The following NFIB variants were observed in gnomAD, a reference collection of about 807,000 sequenced individuals.
NFIB encodes nuclear factor 1 B-type.
Under a neutral mutation model 61.5 loss-of-function variants are expected in NFIB, and 11 were observed. The observed-to-expected ratio is 0.18, with a 90% confidence interval of 0.11 to 0.30. NFIB has a LOEUF of 0.30. NFIB is among the 10% of genes least tolerant of loss of function. The pLI is 1.00. For missense variants in NFIB, 471 were observed against 608.9 expected (o/e 0.77, Z 2.38); for synonymous variants, 260 against 216.5 (o/e 1.20, Z -1.76).
chr9:14,251,200 G>A lies in NFIB; in HGVS notation c.562+55789C>T, dbSNP rs114095815. 8.9e-3 allele frequency among the ~76,000 whole-genome samples: 1,355 copies of A among 152,266 alleles called. 12 individuals are homozygous for A. The highest frequency in any genetic ancestry group is 0.031 in the African/African-American group (1,294 of 41,534). On this transcript the variant is annotated intron_variant, in intron 2 of 10. Coordinates refer to ENST00000380953, the MANE Select transcript of NFIB (RefSeq NM_001190737.2). ...CTTTGGGTGTTTGTTTTACAAGAGA[G>A]GAACTCCAGGTGCAATCACTGAATG...
At chr9:14,286,242 C>T (rs1008312641) in intron 2 of NFIB, among the ~76,000 whole-genome samples, 5 of 152,208 alleles carry the variant, frequency 3.3e-5, no homozygotes, top group African/African-American at 1.2e-4. Context: ...CTCCAAGTTT[C>T]ATTACAGTTC....
chr9:14,097,271 C>A (rs552521947), intron 10 of NFIB, among the ~76,000 whole-genome samples: 11 of 152,296 alleles, frequency 7.2e-5, no homozygotes, highest in African/African-American at 2.6e-4. Context: ...ACCAAAGATT[C>A]TTCCATTCAT....
At chr9:14,411,229 A>T in the NFIB span, among the ~76,000 whole-genome samples, 198 of 152,356 alleles carry the variant, frequency 1.3e-3, no homozygotes, top group Non-Finnish European at 2.0e-3. Context: ...GTGGACACAC[A>T]TTACTGGATA....
chr9:14,358,681 T>G (rs548828787), intron 1 of NFIB, among the ~76,000 whole-genome samples: 1 of 152,306 alleles, frequency 6.6e-6, no homozygotes, highest in East Asian at 1.9e-4. Flanking sequence ...CCAGTTCATG[T>G]GGTTTGGCTA....
chr9:14,161,513 A>C (rs992351240), intron 3 of NFIB, among the ~76,000 whole-genome samples: 1 of 151,442 alleles, frequency 6.6e-6, no homozygotes, highest in Non-Finnish European at 1.5e-5. Flanking sequence ...ATATATATAT[A>C]TATTTATTTA....
rs563471446 is a variant in NFIB at position 14,255,907 on chromosome 9, G to A, written c.562+51082C>T. Among the ~76,000 whole-genome samples, 4 of 152,274 alleles carry A rather than the reference G, an allele frequency of 2.6e-5. No homozygotes were observed. The East Asian group carries it at 7.7e-4, about 29-fold the overall frequency. On this transcript the variant is annotated intron_variant, in intron 2 of 10. Coordinates refer to ENST00000380953, the MANE Select transcript of NFIB (RefSeq NM_001190737.2). ...CACACTATGCTAGCATAGTATTACT[G>A]AAGCGCAAAACACCATGCTAGCATA...
chr9:14,456,504 A>C, the NFIB span, among the ~76,000 whole-genome samples: 1 of 152,194 alleles, frequency 6.6e-6, no homozygotes, highest in Non-Finnish European at 1.5e-5. Flanking sequence ...AAAAGCCAAT[A>C]ATGCACTAGG....
chr9:14,391,591 T>C (rs1456556357), intron 1 of NFIB, among the ~76,000 whole-genome samples: 2 of 152,046 alleles, frequency 1.3e-5, no homozygotes, highest in African/African-American at 4.8e-5. Flanking sequence ...CCAGGAACCA[T>C]GGACTGGTAA....
At chr9:14,496,569 C>T in the NFIB span, among the ~76,000 whole-genome samples, 1 of 152,228 alleles carries the variant, frequency 6.6e-6, no homozygotes, top group Admixed American at 6.5e-5. Context: ...GCTCCTGTCT[C>T]TTTTCTTTGC....
At chr9:14,180,325 A>G (rs902475510) in intron 2 of NFIB, among the ~76,000 whole-genome samples, 11 of 152,152 alleles carry the variant, frequency 7.2e-5, no homozygotes, top group Non-Finnish European at 5.9e-5. Flanking sequence ...CCATAATAGC[A>G]ATCGATTTGC....
chr9:14,472,329 G>C, the NFIB span, among the ~76,000 whole-genome samples: 10,099 of 152,248 alleles, frequency 0.066, 407 homozygotes, highest in South Asian at 0.1. Context: ...ACTCCAAGTG[G>C]TGATCCATAG....
chr9:14,270,598 A>C (rs2057526773), intron 2 of NFIB, among the ~76,000 whole-genome samples: 1 of 148,396 alleles, frequency 6.7e-6, no homozygotes. Flanking sequence ...AAAAAAAAAA[A>C]AAAAAAAAAG....
At chr9:14,220,671 C>T (rs2051533546) in intron 2 of NFIB, among the ~76,000 whole-genome samples, 1 of 152,114 alleles carries the variant, frequency 6.6e-6, no homozygotes, top group South Asian at 2.1e-4. Flanking sequence ...GTAAACTTCA[C>T]CTCCCCTTCA....
chr9:14,215,920 C>A (rs1337991324), intron 2 of NFIB, among the ~76,000 whole-genome samples: 1 of 152,190 alleles, frequency 6.6e-6, no homozygotes, highest in African/African-American at 2.4e-5. Context: ...CAGCACTGTA[C>A]TGAGAATTAA....
At chr9:14,110,805 T>C (rs1192940258) in intron 10 of NFIB, among the ~76,000 whole-genome samples, 3 of 152,100 alleles carry the variant, frequency 2.0e-5, no homozygotes, top group South Asian at 4.1e-4. Flanking sequence ...TATACATCTA[T>C]AGCATGATAT....
At chr9:14,423,274 G>C in the NFIB span, among the ~76,000 whole-genome samples, 1 of 152,170 alleles carries the variant, frequency 6.6e-6, no homozygotes, top group Non-Finnish European at 1.5e-5. Flanking sequence ...GGAGCACGGA[G>C]TGACCAGTAA....
chr9:14,192,928 A>ATACG (rs1220782824), intron 2 of NFIB, among the ~76,000 whole-genome samples: 1 of 152,066 alleles, frequency 6.6e-6, no homozygotes, highest in African/African-American at 2.4e-5. Flanking sequence ...TCACTCTAAA[A>ATACG]TACGTGTCAG....
At chr9:14,219,164 C>G (rs190401433) in intron 2 of NFIB, among the ~76,000 whole-genome samples, 43 of 152,210 alleles carry the variant, frequency 2.8e-4, no homozygotes, top group Non-Finnish European at 5.9e-4. Context: ...TTGGCACAGC[C>G]TCTCACAACT....
At chr9:14,101,081 A>G (rs2035711263) in intron 10 of NFIB, among the ~76,000 whole-genome samples, 4 of 152,366 alleles carry the variant, frequency 2.6e-5, no homozygotes, top group Non-Finnish European at 4.4e-5. Context: ...TTTAAAATGT[A>G]TATTAATTCA....
Sources: allele counts gnomAD v4.1 joint callset (sites outside exome capture counted in the v4.1 genomes callset), GRCh38; gene constraint gnomAD v4.1.1; transcripts MANE v1.5; gene names NCBI Gene and HGNC (gene_info 2026-07-23, HGNC 2026-07-21).